The following RNF157 variants were observed in gnomAD, a reference collection of about 807,000 sequenced individuals.
RNF157 encodes E3 ubiquitin ligase RNF157.
Under a neutral mutation model 88.3 loss-of-function variants are expected in RNF157, and 55 were observed. That is an observed-to-expected ratio of 0.62 (90% CI 0.50 to 0.78). The LOEUF (loss-of-function observed/expected upper bound fraction) is 0.78, where lower values mean the gene tolerates loss of function less well. Among genes scored for constraint, RNF157 ranks in the 30% least tolerant of loss-of-function variants. The pLI is 0.00. For missense variants in RNF157, 788 were observed against 860.8 expected, an observed-to-expected ratio of 0.92 and a Z score of 1.06; for synonymous variants, 334 against 341.2, an observed-to-expected ratio of 0.98 and a Z score of 0.23.
chr17:76,168,664 CT>C (rs1437788354), intron 3 of RNF157, among the ~76,000 whole-genome samples: 1 of 152,114 alleles, frequency 6.6e-6, no homozygotes, highest in African/African-American at 2.4e-5. Context: ...TGGTGGGTCC[CT>C]TTTGCCTCTG....
chr17:76,187,367 T>A (rs2144930980), intron 2 of RNF157, among the ~76,000 whole-genome samples: 1 of 151,176 alleles, frequency 6.6e-6, no homozygotes, highest in East Asian at 2.0e-4. Context: ...GTATTTTGAG[T>A]AGAGATGGGG....
intron 3 of RNF157, among the ~76,000 whole-genome samples, chr17:76,171,435 G>A (rs2069013491): frequency 6.6e-6 from 1 of 151,998 alleles, no homozygotes; most frequent in Non-Finnish European, 1.5e-5. Context: ...TGATCCGCCC[G>A]CCTTGGTCTC....
At chr17:76,220,254 T>C (rs2069958038) in intron 1 of RNF157, among the ~76,000 whole-genome samples, 1 of 151,790 alleles carries the variant, frequency 6.6e-6, no homozygotes, top group Admixed American at 6.6e-5. Context: ...CTAAACCTAC[T>C]AGGGTCATAT....
chr17:76,147,180 A>G (rs1043544993), intron 18 of RNF157: 39 of 984,706 alleles, frequency 4.0e-5, no homozygotes, highest in Non-Finnish European at 4.6e-5. Context: ...CAGGATAAAT[A>G]TAAGGCAATA....
rs576792577 is a variant in RNF157, at chr17:76,196,518, T to C, written c.207+15846A>G. Among the ~76,000 whole-genome samples the C allele has an allele frequency of 5.3e-5, 8 of 152,314 alleles. No individual in the cohort carries two copies. The East Asian group carries it at 1.3e-3, about 26-fold the overall frequency. On this transcript the variant is annotated intron_variant, in intron 2 of 18. Transcript: ENST00000269391. ...TGTGTGTATGTTATACATCAATAAA[T>C]ATTTTTAAAGAGGACAAGTCAGCCC...
intron 2 of RNF157, among the ~76,000 whole-genome samples, chr17:76,204,531 G>C (rs1350789411): frequency 6.6e-6 from 1 of 152,146 alleles, no homozygotes; most frequent in Non-Finnish European, 1.5e-5. Context: ...AATACTTGTT[G>C]AATGAATGAA....
rs2068581252 is a variant in RNF157, at chr17:76,146,078, T to C, written c.1922-725A>G. On this transcript the variant is annotated intron_variant, in intron 18 of 18. Transcript: ENST00000269391. The surrounding 1 kb of genome is among the most constrained non-coding windows in gnomAD (Gnocchi z 4.2). ...CCCACATGAGGAGTGCCAGCGCCTG[T>C]CTGGAAACCCATTCTTGGTGCTTCT... Among the ~76,000 whole-genome samples the C allele has an allele frequency of 6.6e-6, 1 of 152,152 alleles. No homozygotes were observed. The highest frequency in any genetic ancestry group is 2.1e-4 in the South Asian group (1 of 4,830).
chr17:76,149,455 A>C (rs1424959044), intron 18 of RNF157, among the ~76,000 whole-genome samples: 4 of 152,038 alleles, frequency 2.6e-5, no homozygotes, highest in African/African-American at 9.7e-5. Context: ...ATGAGGCGCC[A>C]AGACGGCCAG....
chr17:76,161,871 C>T lies in RNF157; in HGVS notation c.924G>A (p.Gln308=), dbSNP rs371713656. Residue 308 remains glutamine (Q), a synonymous_variant, in exon 10 of 19, where the codon CAG becomes CAA. Coordinates refer to ENST00000269391, the MANE Select transcript of RNF157 (RefSeq NM_052916.3). The surrounding 1 kb of genome is among the most constrained non-coding windows in gnomAD (Gnocchi z 4.6). The part of the protein sequence containing the change: ...CNTCADTLRY[Q]ANNCPICRLP... Reference sequence around the variant, plus strand: ...GTCGGCAGATGGGGCAGTTGTTGGCCTGGTAGCGCAGCGTGTCTGCACAGG... The same window carrying T: ...GTCGGCAGATGGGGCAGTTGTTGGCTTGGTAGCGCAGCGTGTCTGCACAGG... 1.1e-5 allele frequency: 17 copies of T among 1,614,200 alleles called. No individual in the cohort carries two copies. Among genetic ancestry groups the T allele is most frequent in the Non-Finnish European group, 1.4e-5 (16 of 1,180,034 alleles).
Position 76,157,147 on chromosome 17 carries a change from T to C in RNF157, c.1414-826A>G, listed in dbSNP as rs2068779288. Among the ~76,000 whole-genome samples the C allele has an allele frequency of 6.6e-6, 1 of 152,136 alleles. No individual in the cohort carries two copies. Among genetic ancestry groups the C allele is most frequent in the Admixed American group, 6.5e-5 (1 of 15,274 alleles). On this transcript the variant is annotated intron_variant, in intron 13 of 18. Coordinates refer to ENST00000269391, the MANE Select transcript of RNF157 (RefSeq NM_052916.3). This position sits in a 1 kb window ranked among gnomAD's most constrained non-coding sequence, Gnocchi z 5.6. Reference sequence around the variant, plus strand: ...ACACCTGGCTAATTTTTTGTATTTTTAGTAGAGACGGGGTTTCACCATGTT... The same window carrying C: ...ACACCTGGCTAATTTTTTGTATTTTCAGTAGAGACGGGGTTTCACCATGTT...
chr17:76,182,037 G>A (rs919576207), intron 2 of RNF157, among the ~76,000 whole-genome samples: 6 of 152,170 alleles, frequency 3.9e-5, no homozygotes, highest in African/African-American at 1.2e-4. Context: ...GAAGAGTCAA[G>A]CAAACCTCTC....
At chr17:76,223,917 GAAGT>G (rs2070032219) in intron 1 of RNF157, among the ~76,000 whole-genome samples, 1 of 152,152 alleles carries the variant, frequency 6.6e-6, no homozygotes, top group Non-Finnish European at 1.5e-5. Flanking sequence ...CCATCAGAAA[GAAGT>G]AAGTATAATA....
At position 76,161,057 on chromosome 17, in the gene RNF157, C is replaced by CT. The variant is rs890426900; in HGVS notation, c.1065+477dup. 6.6e-6 allele frequency among the ~76,000 whole-genome samples: 1 copy of CT among 152,224 alleles called. No individual in the cohort carries two copies. The highest frequency in any genetic ancestry group is 2.4e-5 in the African/African-American group (1 of 41,448). ...AAAGAAAGACAGTATCTGCTGCTCT[C>CT]TAACTGCAAAGCTTTGAGGTTTCAC... is the stretch of plus-strand genomic sequence containing the variant. On this transcript the variant is annotated intron_variant, in intron 11 of 18. Coordinates refer to ENST00000269391, the MANE Select transcript of RNF157 (RefSeq NM_052916.3). This position sits in a 1 kb window ranked among gnomAD's most constrained non-coding sequence, Gnocchi z 4.6.
Position 76,204,834 on chromosome 17 carries a change from G to A in RNF157, c.207+7530C>T, listed in dbSNP as rs1598428421. On this transcript the variant is annotated intron_variant, in intron 2 of 18. Transcript: ENST00000269391. ...CACTCTCACTCTATCACCCAGGCTGGAGTACAGTGGTGCGATCTCGGCTCA... is the reference window on the plus strand; with the variant it reads ...CACTCTCACTCTATCACCCAGGCTGAAGTACAGTGGTGCGATCTCGGCTCA... Among the ~76,000 whole-genome samples the A allele has an allele frequency of 2.0e-5, 3 of 151,004 alleles. No individual in the cohort carries two copies. The South Asian group carries it at 6.3e-4, about 31-fold the overall frequency.
chr17:76,143,434 T>G lies in RNF157; in HGVS notation c.*1801A>C, dbSNP rs1015634794. 6.6e-6 allele frequency: 1 copy of G among 152,298 alleles called. No individual in the cohort carries two copies. Among genetic ancestry groups the G allele is most frequent in the African/African-American group, 2.4e-5 (1 of 41,452 alleles). 9.4% of individuals were successfully genotyped at this position (152,298 alleles called of 1,614,324 possible). On this transcript the variant is annotated 3_prime_UTR_variant, in exon 19 of 19. Transcript: ENST00000269391. ...CCACCCCAGGGTAAGGGAAGCTCCC[T>G]GTCACCTGCTGCTTCTGGGCTCATA...
chr17:76,188,182 A>G (rs1466875934), intron 2 of RNF157, among the ~76,000 whole-genome samples: 1 of 152,188 alleles, frequency 6.6e-6, no homozygotes, highest in African/African-American at 2.4e-5. Context: ...TAGGTTCTAG[A>G]TGGTGAACAC....
At position 76,171,431 on chromosome 17, in the gene RNF157, G is replaced by T. The variant is rs554285738; in HGVS notation, c.296+2271C>A. On this transcript the variant is annotated intron_variant, in intron 3 of 18. Coordinates refer to ENST00000269391, the MANE Select transcript of RNF157 (RefSeq NM_052916.3). ...CTTGAACTCCTGACCTCGGTGATCCGCCCGCCTTGGTCTCCCAAAGTGCTG... is the reference window on the plus strand; with the variant it reads ...CTTGAACTCCTGACCTCGGTGATCCTCCCGCCTTGGTCTCCCAAAGTGCTG... 7.9e-5 allele frequency among the ~76,000 whole-genome samples: 12 copies of T among 151,972 alleles called. No individual in the cohort carries two copies. In the South Asian group the frequency reaches 1.2e-3, roughly 16 times the overall value.
In RNF157 at chr17:76,156,225, T is replaced by G. The variant is rs750446481; in HGVS notation, c.1510A>C (p.Ile504Leu). The G allele has an allele frequency of 6.2e-6, 10 of 1,613,408 alleles. No individual in the cohort carries two copies. Among genetic ancestry groups the G allele is most frequent in the Non-Finnish European group, 8.5e-6 (10 of 1,179,584 alleles). ...CCTTATGTACCTTCTGGGGAGGAAA[T>G]AGTGGATGACAGAGGCGTCCCTGTG... ...SCTGTPLSST[I>L]SSPEGPASSS... The change falls in exon 14 of 19, where the codon ATT (isoleucine) becomes CTT (leucine). Residue 504 changes from isoleucine to leucine, a missense_variant. Ile to Leu is a conservative substitution (Grantham distance 5). Transcript: ENST00000269391.
chr17:76,203,107 CA>C (rs2069614738), intron 2 of RNF157, among the ~76,000 whole-genome samples: 1 of 152,080 alleles, frequency 6.6e-6, no homozygotes, highest in South Asian at 2.1e-4. Flanking sequence ...TCTTATGCCT[CA>C]GCCTCCCAAG....
Sources: gnomAD v4.1 joint callset for allele counts (sites outside exome capture counted in the v4.1 genomes callset) on GRCh38, gnomAD v4.1.1 for gene constraint, Gnocchi (gnomAD v3.1) non-coding constraint, MANE v1.5 for transcripts, NCBI Gene and HGNC (gene_info 2026-07-23, HGNC 2026-07-21) for gene names.